STXBP5L: variants seen among roughly 807,000 people sequenced by gnomAD.
STXBP5L encodes syntaxin binding protein 5L.
In STXBP5L, 65 loss-of-function variants were observed where a neutral mutation model predicts 144.5. The ratio of observed to expected loss-of-function variants is 0.45; its 90% confidence interval spans 0.37 to 0.55. The LOEUF (loss-of-function observed/expected upper bound fraction) is 0.55. Ranked by LOEUF, STXBP5L falls within the 20% of genes least tolerant of loss-of-function variation. The pLI, the probability that STXBP5L is intolerant of heterozygous loss-of-function variation, is 0.00. For synonymous variants in STXBP5L, 505 were observed against 469.6 expected (o/e 1.08, Z -0.97); for missense variants, 1,298 against 1,405.5 (o/e 0.92, Z 1.22).
At chr3:121,184,149 C>T (rs1332012472) in intron 9 of STXBP5L, among the ~76,000 whole-genome samples, 1 of 151,880 alleles carries the variant, frequency 6.6e-6, no homozygotes, top group Non-Finnish European at 1.5e-5. Context: ...AACCAGAATG[C>T]CTCTTCTCCT....
chr3:121,066,681 A>G (rs539066230), intron 5 of STXBP5L, among the ~76,000 whole-genome samples: 5 of 152,222 alleles, frequency 3.3e-5, no homozygotes, highest in South Asian at 2.1e-4. Flanking sequence ...GTAAGTTTCC[A>G]TTCTTTTGAT....
At position 121,347,748 on chromosome 3, in the gene STXBP5L, G is replaced by A. The variant is rs560611777; in HGVS notation, c.2176+29208G>A. On this transcript the variant is annotated intron_variant, in intron 20 of 26. Coordinates refer to ENST00000471454, the MANE Select transcript of STXBP5L (RefSeq NM_001308330.2). ...TGAATGGGAGTTCACTCATGATTTG[G>A]CTCTCTTTTTGTCTGTTATTGGTGT... Among the ~76,000 whole-genome samples the A allele has an allele frequency of 7.9e-5, 12 of 152,080 alleles. No individual in the cohort carries two copies. The East Asian group carries it at 2.3e-3, about 29-fold the overall frequency.
At chr3:121,150,309 T>C (rs1020880349) in intron 7 of STXBP5L, among the ~76,000 whole-genome samples, 1 of 152,112 alleles carries the variant, frequency 6.6e-6, no homozygotes, top group African/African-American at 2.4e-5. Context: ...AAAATATGTA[T>C]ATATAATTTG....
chr3:120,965,394 T>G (rs1939440738), intron 3 of STXBP5L, among the ~76,000 whole-genome samples: 2 of 152,230 alleles, frequency 1.3e-5, no homozygotes, highest in Admixed American at 1.3e-4. Context: ...TAATTTGGCC[T>G]GTTTTTGCAG....
At chr3:121,349,956 A>G (rs1292444281) in intron 20 of STXBP5L, among the ~76,000 whole-genome samples, 1 of 152,242 alleles carries the variant, frequency 6.6e-6, no homozygotes, top group Admixed American at 6.5e-5. Flanking sequence ...TAGCCCATTT[A>G]CATTTAAGGT....
chr3:121,378,687 T>C (rs200186625), intron 20 of STXBP5L, 29 bp from the exon 21 acceptor site: 2 of 1,606,804 alleles, frequency 1.2e-6, no homozygotes, highest in South Asian at 1.1e-5. Context: ...AATCATTATA[T>C]GTATGCTGCC....
intron 5 of STXBP5L, among the ~76,000 whole-genome samples, chr3:121,088,155 A>G (rs1441802703): frequency 5.3e-5 from 8 of 150,268 alleles, no homozygotes; most frequent in Non-Finnish European, 1.0e-4. Flanking sequence ...TGAACAGGCA[A>G]ACTACAACAT....
intron 3 of STXBP5L, among the ~76,000 whole-genome samples, chr3:120,978,621 C>G (rs978362588): frequency 6.6e-5 from 10 of 152,106 alleles, no homozygotes; most frequent in Non-Finnish European, 1.5e-4. Context: ...GAGAGGCACT[C>G]TGCTTTTTAG....
Position 121,039,536 on chromosome 3 carries a change from C to CT in STXBP5L, c.288-2158dup, listed in dbSNP as rs1192848844. 5.9e-5 allele frequency among the ~76,000 whole-genome samples: 9 copies of CT among 151,576 alleles called. No individual in the cohort carries two copies. The East Asian group carries it at 1.7e-3, about 29-fold the overall frequency. On this transcript the variant is annotated intron_variant, in intron 3 of 26. Transcript: ENST00000471454. ...CCATATATTTATCATTTTAAATGTT[C>CT]TTTTTTCCTTTTTGTATATCCAGAT...
At chr3:121,131,394 A>G (rs2044982874) in intron 7 of STXBP5L, among the ~76,000 whole-genome samples, 1 of 152,210 alleles carries the variant, frequency 6.6e-6, no homozygotes, top group South Asian at 2.1e-4. Flanking sequence ...CCAAAAGTAC[A>G]AGTCACAGAT....
chr3:121,054,689 T>A (rs1948319346), intron 5 of STXBP5L, among the ~76,000 whole-genome samples: 1 of 151,988 alleles, frequency 6.6e-6, no homozygotes, highest in African/African-American at 2.4e-5. Flanking sequence ...TGTATACATA[T>A]GTAACAAACC....
intron 3 of STXBP5L, among the ~76,000 whole-genome samples, chr3:121,002,128 T>A (rs1943831346): frequency 6.6e-6 from 1 of 152,226 alleles, no homozygotes; most frequent in Non-Finnish European, 1.5e-5. Flanking sequence ...GGATCCTTTT[T>A]ACTGTTTTCC....
intron 3 of STXBP5L, among the ~76,000 whole-genome samples, chr3:120,986,328 T>A (rs892590181): frequency 6.6e-6 from 1 of 152,010 alleles, no homozygotes; most frequent in Admixed American, 6.5e-5. Flanking sequence ...CTGAAAAATG[T>A]GCACTTGATT....
intron 14 of STXBP5L, among the ~76,000 whole-genome samples, chr3:121,249,440 CT>C (rs2049963032): frequency 6.6e-6 from 1 of 151,958 alleles, no homozygotes. Context: ...TAGATTTTAT[CT>C]ATTTCTTGGT....
At chr3:121,090,274 G>C (rs145597073) in intron 5 of STXBP5L, among the ~76,000 whole-genome samples, 157 of 152,166 alleles carry the variant, frequency 1.0e-3, no homozygotes, top group African/African-American at 3.6e-3. Flanking sequence ...TGAAGTTCAG[G>C]TGCTCCATTT....
At chr3:121,383,268 C>T (rs1329682744) in intron 22 of STXBP5L, among the ~76,000 whole-genome samples, 2 of 151,962 alleles carry the variant, frequency 1.3e-5, no homozygotes, top group Non-Finnish European at 2.9e-5. Flanking sequence ...GAGACCCCAT[C>T]TCTACAAATA....
chr3:121,123,713 T>C (rs1254930023), intron 7 of STXBP5L, among the ~76,000 whole-genome samples: 2 of 151,786 alleles, frequency 1.3e-5, no homozygotes, highest in African/African-American at 2.4e-5. Context: ...TAATTACAAA[T>C]TAAAAGGACT....
chr3:121,313,321 G>T (rs1181438926), intron 19 of STXBP5L, among the ~76,000 whole-genome samples: 1 of 136,734 alleles, frequency 7.3e-6, no homozygotes, highest in African/African-American at 2.8e-5. Context: ...CCTCCTGGAC[G>T]GGGCGGCTGG....
At chr3:120,936,776 A>AT (rs1553748578) in intron 2 of STXBP5L, among the ~76,000 whole-genome samples, 1 of 151,820 alleles carries the variant, frequency 6.6e-6, no homozygotes, top group Non-Finnish European at 1.5e-5. Context: ...CACCCGGCTA[A>AT]TTTTTTTGTA....
Sources: gnomAD v4.1 joint callset for allele counts (sites outside exome capture counted in the v4.1 genomes callset) on GRCh38, gnomAD v4.1.1 for gene constraint, MANE v1.5 for transcripts, NCBI Gene and HGNC (gene_info 2026-07-23, HGNC 2026-07-21) for gene names.